NBEA: variants seen among roughly 807,000 people sequenced by gnomAD.
NBEA encodes the protein lysosomal-trafficking regulator 2.
In NBEA, 44 loss-of-function variants were observed where a neutral mutation model predicts 343.4. That is an observed-to-expected ratio of 0.13 (90% CI 0.10 to 0.16). The LOEUF (loss-of-function observed/expected upper bound fraction) is 0.16. Ranked by LOEUF, NBEA falls within the 10% of genes least tolerant of loss-of-function variation. NBEA has a pLI of 1.00. For synonymous variants in NBEA, 1,175 were observed against 1,238.7 expected (o/e 0.95, Z 1.08); for missense variants, 2,555 against 3,631.3 (o/e 0.70, Z 7.62).
At chr13:35,305,544 T>C (rs2036833836) in intron 35 of NBEA, among the ~76,000 whole-genome samples, 2 of 152,138 alleles carry the variant, frequency 1.3e-5, no homozygotes, top group Non-Finnish European at 2.9e-5. Flanking sequence ...AAGGGACATG[T>C]GTTACTTCTG....
intron 47 of NBEA, among the ~76,000 whole-genome samples, chr13:35,595,904 G>A (rs908944604): frequency 1.3e-5 from 2 of 151,780 alleles, no homozygotes; most frequent in Admixed American, 6.6e-5. Context: ...TTTGAGTGAC[G>A]TGGAACATTT....
At chr13:35,197,046 A>G (rs915785316) in intron 31 of NBEA, among the ~76,000 whole-genome samples, 5 of 152,186 alleles carry the variant, frequency 3.3e-5, no homozygotes, top group African/African-American at 1.2e-4. Context: ...AGAATAAGAT[A>G]TTTTAGAACC....
At chr13:35,423,706 TG>T (rs1180721791) in intron 38 of NBEA, among the ~76,000 whole-genome samples, 3 of 152,186 alleles carry the variant, frequency 2.0e-5, no homozygotes, top group Non-Finnish European at 2.9e-5. Flanking sequence ...GGTAGCTTGA[TG>T]GGGATGGCAT....
intron 56 of NBEA, among the ~76,000 whole-genome samples, chr13:35,666,634 A>G (rs536942725): frequency 6.6e-6 from 1 of 152,342 alleles, no homozygotes; most frequent in East Asian, 1.9e-4. Flanking sequence ...TAATTCATAC[A>G]TTGTTTTGTG....
intron 15 of NBEA, 36 bp downstream of exon 15, chr13:35,118,326 T>G (rs749915123): frequency 6.4e-7 from 1 of 1,566,520 alleles, no homozygotes; most frequent in Non-Finnish European, 8.7e-7. Flanking sequence ...TTTAATTATT[T>G]AAGCCAATCT....
Position 35,668,434 on chromosome 13 carries a change from T to C in NBEA, c.8728T>C (p.Trp2910Arg). 6.2e-7 allele frequency: 1 copy of C among 1,613,622 alleles called. No individual in the cohort carries two copies. Among genetic ancestry groups the C allele is most frequent in the Non-Finnish European group, 8.5e-7 (1 of 1,179,726 alleles). ...AGGGGACAATGGGGTAGTAGAGGTC[T>C]GGCAGGCCTGTGACTTCAAGCAACT... is the stretch of plus-strand genomic sequence containing the variant. Reference protein sequence around the residue: ...TGGDNGVVEVWQACDFKQLYI... With the variant: ...TGGDNGVVEVRQACDFKQLYI... The change falls in exon 58 of 59, where the codon TGG (tryptophan) becomes CGG (arginine). Residue 2910 changes from tryptophan (W) to arginine (R), a missense_variant. Around this residue, in one of 21 missense-constraint regions of NBEA, gnomAD observed 186 missense variants for 328.9 expected, o/e 0.57. Transcript: ENST00000379939.
At chr13:35,043,604 G>T (rs1377542596) in intron 2 of NBEA, among the ~76,000 whole-genome samples, 1 of 151,534 alleles carries the variant, frequency 6.6e-6, no homozygotes, top group Non-Finnish European at 1.5e-5. Flanking sequence ...CTTCAGTGAT[G>T]ACATGTTTTA....
chr13:35,173,780 T>C (rs892247937), intron 27 of NBEA, among the ~76,000 whole-genome samples, 186 bp downstream of exon 27: 5 of 152,320 alleles, frequency 3.3e-5, no homozygotes, highest in Middle Eastern at 3.4e-3. Flanking sequence ...TTGTGTGTTT[T>C]GGTTATTAAA....
intron 26 of NBEA, 38 bp from the exon 27 acceptor site, chr13:35,173,426 A>T (rs765430542): frequency 6.7e-7 from 1 of 1,498,688 alleles, no homozygotes; most frequent in Non-Finnish European, 9.0e-7. Flanking sequence ...CAAAGTCAAC[A>T]ATTTATATTA....
At chr13:35,045,130 T>C in intron 3 of NBEA, 83 bp downstream of exon 3, 2 of 1,263,014 alleles carry the variant, frequency 1.6e-6, no homozygotes, top group Non-Finnish European at 2.2e-6. Flanking sequence ...GAGAGCTATA[T>C]ACTTGAATTT....
chr13:35,394,114 C>T (rs2042628495), intron 38 of NBEA, among the ~76,000 whole-genome samples: 1 of 152,104 alleles, frequency 6.6e-6, no homozygotes, highest in South Asian at 2.1e-4. Context: ...CCTTCCCTTC[C>T]AGAAAAGCAG....
At chr13:35,310,778 C>A (rs1319685091) in intron 36 of NBEA, among the ~76,000 whole-genome samples, 4 of 152,090 alleles carry the variant, frequency 2.6e-5, no homozygotes, top group Non-Finnish European at 4.4e-5. Context: ...TTGAAACCAG[C>A]TTTCATTAGA....
chr13:35,120,188 A>G (rs1160204573), intron 16 of NBEA, among the ~76,000 whole-genome samples: 1 of 152,200 alleles, frequency 6.6e-6, no homozygotes, highest in Non-Finnish European at 1.5e-5. Flanking sequence ...TTATTTTGAC[A>G]CATCGGAAAT....
intron 1 of NBEA, among the ~76,000 whole-genome samples, chr13:34,996,904 C>G (rs951494395): frequency 6.6e-5 from 10 of 152,106 alleles, no homozygotes; most frequent in Non-Finnish European, 1.3e-4. Flanking sequence ...TCCATGGTCA[C>G]TATTGTAAAC....
chr13:35,502,654 T>C (rs2076933212), intron 41 of NBEA, among the ~76,000 whole-genome samples: 1 of 152,092 alleles, frequency 6.6e-6, no homozygotes, highest in Non-Finnish European at 1.5e-5. Context: ...GTGACCTCAC[T>C]ATGGTAGCTT....
At chr13:35,534,008 T>C (rs1265247899) in intron 41 of NBEA, among the ~76,000 whole-genome samples, 1 of 152,228 alleles carries the variant, frequency 6.6e-6, no homozygotes, top group Non-Finnish European at 1.5e-5. Context: ...ATTCACTGGT[T>C]ATCATTCCTT....
chr13:35,601,070 G>T (rs1479598738), intron 47 of NBEA, among the ~76,000 whole-genome samples: 2 of 152,028 alleles, frequency 1.3e-5, no homozygotes, highest in African/African-American at 4.8e-5. Flanking sequence ...CCAGCTACTC[G>T]GGATGCTGAG....
intron 38 of NBEA, among the ~76,000 whole-genome samples, chr13:35,392,184 T>C (rs1309567049): frequency 6.6e-6 from 1 of 152,126 alleles, no homozygotes; most frequent in African/African-American, 2.4e-5. Flanking sequence ...TCAGGGAGAC[T>C]GGTAAGATCA....
At chr13:35,641,720 C>CT (rs936938647) in intron 49 of NBEA, among the ~76,000 whole-genome samples, 2 of 152,022 alleles carry the variant, frequency 1.3e-5, no homozygotes, top group African/African-American at 4.8e-5. Context: ...TTACCAGTAT[C>CT]TATGTATTCT....
Sources: gnomAD v4.1 joint callset for allele counts (sites outside exome capture counted in the v4.1 genomes callset) on GRCh38, gnomAD v4.1.1 for gene constraint, gnomAD v4.1.1 regional missense constraint, MANE v1.5 for transcripts, NCBI Gene and HGNC (gene_info 2026-07-23, HGNC 2026-07-21) for gene names.